SLC10A7: variants seen among roughly 807,000 people sequenced by gnomAD.
The protein encoded by SLC10A7 is solute carrier family 10 member 7.
In SLC10A7, 29 loss-of-function variants were observed where a neutral mutation model predicts 43.2. The observed-to-expected ratio is 0.67, with a 90% CI of 0.50 to 0.92. The LOEUF is 0.92. Ranked by LOEUF, SLC10A7 falls within the 40% of genes least tolerant of loss-of-function variation. SLC10A7 has a pLI of 0.00. For missense variants in SLC10A7, 295 were observed against 403.2 expected, an observed-to-expected ratio of 0.73 and a Z score of 2.30; for synonymous variants, 152 against 144.8, an observed-to-expected ratio of 1.05 and a Z score of -0.35.
chr4:146,466,859 A>G (rs1733077268), intron 4 of SLC10A7, among the ~76,000 whole-genome samples: 1 of 152,118 alleles, frequency 6.6e-6, no homozygotes, highest in Non-Finnish European at 1.5e-5. Context: ...TGGTAAAAGG[A>G]TAGTATCATT....
At chr4:146,344,306 C>A (rs919102546) in intron 5 of SLC10A7, among the ~76,000 whole-genome samples, 3 of 152,062 alleles carry the variant, frequency 2.0e-5, no homozygotes, top group Admixed American at 6.6e-5. Context: ...TAAACACTCA[C>A]AGGAATCTCT....
chr4:146,269,487 T>TTA (rs1344309787), intron 10 of SLC10A7, among the ~76,000 whole-genome samples: 2 of 152,218 alleles, frequency 1.3e-5, no homozygotes, highest in African/African-American at 4.8e-5. Context: ...GAAGAGTTGT[T>TTA]TAGTCTTCTA....
intron 3 of SLC10A7, among the ~76,000 whole-genome samples, chr4:146,505,514 G>C (rs1311947222): frequency 1.3e-5 from 2 of 152,104 alleles, no homozygotes; most frequent in Non-Finnish European, 2.9e-5. Context: ...GCACCTCTAA[G>C]CCTCACAGTG....
At chr4:146,268,712 A>T (rs1728714653) in intron 10 of SLC10A7, among the ~76,000 whole-genome samples, 1 of 152,218 alleles carries the variant, frequency 6.6e-6, no homozygotes, top group African/African-American at 2.4e-5. Context: ...TTGAGGCAGC[A>T]GGTAAATAGA....
At chr4:146,388,317 T>C (rs1161127944) in intron 5 of SLC10A7, among the ~76,000 whole-genome samples, 1 of 152,048 alleles carries the variant, frequency 6.6e-6, no homozygotes, top group Non-Finnish European at 1.5e-5. Context: ...AGATATACAC[T>C]GGGGAAAGGA....
At chr4:146,453,898 G>A (rs370953963) in intron 4 of SLC10A7, among the ~76,000 whole-genome samples, 5 of 151,832 alleles carry the variant, frequency 3.3e-5, no homozygotes, top group East Asian at 1.9e-4. Context: ...ATATGCATGG[G>A]GCAAGAGAGG....
chr4:146,434,927 C>A (rs1730093149), intron 5 of SLC10A7, among the ~76,000 whole-genome samples: 1 of 152,054 alleles, frequency 6.6e-6, no homozygotes, highest in Non-Finnish European at 1.5e-5. Flanking sequence ...GGAGGCGATT[C>A]AGAATTAGGA....
At chr4:146,265,023 A>G (rs1229447101) in intron 10 of SLC10A7, among the ~76,000 whole-genome samples, 1 of 152,222 alleles carries the variant, frequency 6.6e-6, no homozygotes, top group South Asian at 2.1e-4. Flanking sequence ...AAGAGCTCCA[A>G]TGACTTTCCA....
chr4:146,340,316 C>CT (rs141944195), intron 5 of SLC10A7, among the ~76,000 whole-genome samples: 1 of 151,698 alleles, frequency 6.6e-6, no homozygotes, highest in Non-Finnish European at 1.5e-5. Flanking sequence ...GGTCAATGGA[C>CT]TTTTTTTGGT....
At chr4:146,280,743 C>T (rs375736040) in intron 10 of SLC10A7, among the ~76,000 whole-genome samples, 12 of 152,092 alleles carry the variant, frequency 7.9e-5, no homozygotes, top group East Asian at 5.8e-4. Context: ...GGGGAAATAG[C>T]GGTGATCTGT....
chr4:146,516,962 A>G (rs1241448541), intron 2 of SLC10A7, 76 bp downstream of exon 2: 2 of 1,151,228 alleles, frequency 1.7e-6, no homozygotes, highest in East Asian at 4.8e-5. Flanking sequence ...CAGCTTTACC[A>G]AAGGACTCTT....
At chr4:146,311,414 C>G (rs534749442) in intron 6 of SLC10A7, among the ~76,000 whole-genome samples, 1 of 152,266 alleles carries the variant, frequency 6.6e-6, no homozygotes, top group African/African-American at 2.4e-5. Context: ...GTCATTAATG[C>G]ACCAGTTCTT....
At chr4:146,503,808 A>G in intron 4 of SLC10A7, 41 bp downstream of exon 4, 1 of 1,559,470 alleles carries the variant, frequency 6.4e-7, no homozygotes, top group Non-Finnish European at 8.8e-7. Context: ...ATAAAAGCAC[A>G]GCATGCACTT....
chr4:146,335,250 GTAAAAAA>G (rs1560809150), intron 5 of SLC10A7, among the ~76,000 whole-genome samples: 11 of 70,620 alleles, frequency 1.6e-4, no homozygotes, highest in South Asian at 1.3e-3. Context: ...CACAGATGTT[GTAAAAAA>G]AAAAAAAAAA....
At position 146,418,338 on chromosome 4, in the gene SLC10A7, T is replaced by C. The variant is rs76389399; in HGVS notation, c.435+24445A>G. 4.6e-3 allele frequency among the ~76,000 whole-genome samples: 702 copies of C among 152,288 alleles called. 6 individuals carry two copies. Among genetic ancestry groups the C allele is most frequent in the African/African-American group, 0.015 (603 of 41,552 alleles). On this transcript the variant is annotated intron_variant, in intron 5 of 11. Transcript: ENST00000335472. ...ATACAAATCTCTAGTTTTTAGGGTT[T>C]ACAATTCTGGTGTGAAAGTCAGCTG...
chr4:146,483,056 T>C (rs146306876), intron 4 of SLC10A7, among the ~76,000 whole-genome samples: 1 of 152,336 alleles, frequency 6.6e-6, no homozygotes, highest in Admixed American at 6.5e-5. Context: ...GGGAATTCAT[T>C]ACCACTAGGC....
At chr4:146,355,313 GA>G (rs1252953881) in intron 5 of SLC10A7, among the ~76,000 whole-genome samples, 1 of 152,206 alleles carries the variant, frequency 6.6e-6, no homozygotes, top group Non-Finnish European at 1.5e-5. Flanking sequence ...GGCCATCAGA[GA>G]AATGCAAATC....
chr4:146,402,543 C>G (rs768270406), intron 5 of SLC10A7, among the ~76,000 whole-genome samples: 1 of 152,066 alleles, frequency 6.6e-6, no homozygotes, highest in Non-Finnish European at 1.5e-5. Context: ...CCTGACCCCA[C>G]AGGCCACTCC....
At chr4:146,296,556 TAAAGA>T (rs1730798560) in intron 7 of SLC10A7, among the ~76,000 whole-genome samples, 1 of 152,122 alleles carries the variant, frequency 6.6e-6, no homozygotes. Flanking sequence ...CTAATCTCAA[TAAAGA>T]AAAGAACTGG....
Sources: gnomAD v4.1 joint callset for allele counts (sites outside exome capture counted in the v4.1 genomes callset) on GRCh38, gnomAD v4.1.1 for gene constraint, MANE v1.5 for transcripts, NCBI Gene and HGNC (gene_info 2026-07-23, HGNC 2026-07-21) for gene names.